Variants in LAMB1 observed in about 807,000 individuals in gnomAD.
LAMB1 encodes laminin subunit beta-1.
LAMB1 carries 121 observed loss-of-function variants against 222.3 expected under a neutral mutation model. The observed-to-expected ratio is 0.54, with a 90% CI of 0.47 to 0.63. The LOEUF is 0.63. LAMB1 is among the 30% of genes least tolerant of loss of function. The pLI is 0.00. For synonymous variants in LAMB1, 794 were observed against 807.2 expected, an observed-to-expected ratio of 0.98 and a Z score of 0.28; for missense variants, 2,172 against 2,240.8, an observed-to-expected ratio of 0.97 and a Z score of 0.62.
At chr7:107,960,219 C>T (rs1384234035) in intron 18 of LAMB1, among the ~76,000 whole-genome samples, 1 of 152,168 alleles carries the variant, frequency 6.6e-6, no homozygotes, top group African/African-American at 2.4e-5. Flanking sequence ...GGACTTTTCC[C>T]CTGGTCACCT....
intron 9 of LAMB1, among the ~76,000 whole-genome samples, 155 bp downstream of exon 9, chr7:107,977,892 G>A (rs2150440939): frequency 6.6e-6 from 1 of 152,346 alleles, no homozygotes; most frequent in South Asian, 2.1e-4. Flanking sequence ...ACTGAATGCA[G>A]ATTGTTGGTT....
chr7:107,962,074 C>G (rs768280995), intron 15 of LAMB1, among the ~76,000 whole-genome samples: 3 of 152,200 alleles, frequency 2.0e-5, no homozygotes, highest in Non-Finnish European at 4.4e-5. Flanking sequence ...TCAATAAAAA[C>G]AAAACCCTCT....
chr7:107,973,023 C>CA lies in LAMB1; in HGVS notation c.1530dup (p.Asp511Ter). ...TTTAAGGCTCCCCCAAGGTCACAGT[C>CA]ACATGGTCGACATCCATCCAAATCA... On this transcript the variant is annotated frameshift_variant, in exon 13 of 34. Transcript: ENST00000222399. LOFTEE classifies it high-confidence loss of function. 1 of 1,614,032 alleles carries CA rather than the reference C, an allele frequency of 6.2e-7. No individual in the cohort carries two copies. The highest frequency in any genetic ancestry group is 1.1e-5 in the South Asian group (1 of 91,074).
rs555211305 is a variant in LAMB1, at chr7:107,979,010, C to A, written c.880-843G>T. ...CCCACCTTGGTGGGAATGCAGTTAG[C>A]AGAAGACTAAAGTCCTGTTATTACC... On this transcript the variant is annotated intron_variant, in intron 8 of 33. Transcript: ENST00000222399. Among the ~76,000 whole-genome samples, 45 of 152,294 alleles carry A rather than the reference C, an allele frequency of 3.0e-4. No homozygotes were observed. In the South Asian group the frequency reaches 9.3e-3, roughly 32 times the overall value.
intron 26 of LAMB1, 54 bp downstream of exon 26, chr7:107,937,039 T>A: frequency 6.9e-7 from 1 of 1,454,224 alleles, no homozygotes; most frequent in Middle Eastern, 1.8e-4. Flanking sequence ...ATTAAAACGT[T>A]AGACATATCG....
intron 5 of LAMB1, among the ~76,000 whole-genome samples, chr7:107,990,459 GA>G (rs890421185): frequency 2.0e-5 from 3 of 152,024 alleles, no homozygotes; most frequent in African/African-American, 4.8e-5. Flanking sequence ...GAACTTGGGG[GA>G]AAAAAATCAA....
intron 24 of LAMB1, among the ~76,000 whole-genome samples, chr7:107,945,141 G>A (rs1357911303): frequency 6.6e-6 from 1 of 152,210 alleles, no homozygotes; most frequent in Non-Finnish European, 1.5e-5. Context: ...ACTTTCATCT[G>A]TAAACACACT....
intron 20 of LAMB1, among the ~76,000 whole-genome samples, chr7:107,956,872 T>C (rs1185506232): frequency 6.6e-6 from 1 of 152,180 alleles, no homozygotes; most frequent in Non-Finnish European, 1.5e-5. Context: ...TCTTTAAAGA[T>C]AACAAATACA....
At chr7:108,002,458 C>T in intron 2 of LAMB1, 2 of 1,282,076 alleles carry the variant, frequency 1.6e-6, no homozygotes, top group African/African-American at 3.0e-5. Context: ...AGAATGAAGC[C>T]TCCGCTCAGC....
intron 13 of LAMB1, 148 bp from the exon 14 acceptor site, chr7:107,964,835 A>G: frequency 1.1e-6 from 1 of 935,038 alleles, no homozygotes; most frequent in Non-Finnish European, 1.6e-6. Flanking sequence ...ATGTGGAAAA[A>G]AGTAGTGCCT....
chr7:108,000,473 T>TA (rs1376136826), intron 3 of LAMB1, among the ~76,000 whole-genome samples: 1 of 152,240 alleles, frequency 6.6e-6, no homozygotes, highest in Non-Finnish European at 1.5e-5. Flanking sequence ...TCTGAGCAAT[T>TA]AGCTTGGAAC....
At chr7:107,950,632 T>G (rs933097132) in intron 24 of LAMB1, among the ~76,000 whole-genome samples, 1 of 152,208 alleles carries the variant, frequency 6.6e-6, no homozygotes, top group African/African-American at 2.4e-5. Context: ...CCCCTGACCT[T>G]GGAGCCCTTT....
At chr7:107,927,266 T>G (rs2032587741) in intron 31 of LAMB1, among the ~76,000 whole-genome samples, 1 of 152,234 alleles carries the variant, frequency 6.6e-6, no homozygotes, top group Non-Finnish European at 1.5e-5. Context: ...GTGAATTGTT[T>G]CTGATAAGCT....
intron 19 of LAMB1, 73 bp from the exon 20 acceptor site, chr7:107,959,553 C>T: frequency 6.2e-7 from 1 of 1,606,210 alleles, no homozygotes; most frequent in Non-Finnish European, 8.5e-7. Flanking sequence ...TTATAAGCAC[C>T]CTGTCCCCAA....
intron 5 of LAMB1, among the ~76,000 whole-genome samples, chr7:107,987,429 G>A (rs562100794): frequency 1.3e-5 from 2 of 152,158 alleles, no homozygotes; most frequent in East Asian, 1.9e-4. Flanking sequence ...TGGTTAAAAT[G>A]GTAAACTTTC....
In LAMB1 at chr7:107,981,347, C is replaced by T. The variant is rs574835041; in HGVS notation, c.677-536G>A. Among the ~76,000 whole-genome samples, 5 of 151,938 alleles carry T rather than the reference C, an allele frequency of 3.3e-5. No individual in the cohort carries two copies. The South Asian group carries it at 6.2e-4, about 19-fold the overall frequency. On this transcript the variant is annotated intron_variant, in intron 7 of 33. Coordinates refer to ENST00000222399, the MANE Select transcript of LAMB1 (RefSeq NM_002291.3). Reference sequence around the variant, plus strand: ...CCTGTAATCCCAGCTACTAGGGAGACTGAGGCAGGAGAATCGCTTGAACCT... The same window carrying T: ...CCTGTAATCCCAGCTACTAGGGAGATTGAGGCAGGAGAATCGCTTGAACCT...
intron 15 of LAMB1, 54 bp downstream of exon 15, chr7:107,962,851 T>A: frequency 6.7e-7 from 1 of 1,487,058 alleles, no homozygotes; most frequent in South Asian, 1.2e-5. Context: ...AAGTACTATT[T>A]TTCTACTGAT....
At chr7:107,931,307 G>C (rs757351036) in intron 29 of LAMB1, 49 bp downstream of exon 29, 2 of 1,505,586 alleles carry the variant, frequency 1.3e-6, no homozygotes, top group Admixed American at 1.7e-5. Context: ...TGTAAACAGA[G>C]AATCACACAG....
Position 107,932,356 on chromosome 7 carries a change from C to T in LAMB1, c.4210G>A (p.Ala1404Thr). ...CCACATTCAGTCTCGGAACAGGAGG[C>T]CCCTGGGGGTGTTCCACAGGTCTGC... Reference protein sequence around the residue: ...AEMTCGTPPGASCSETECGGP... With the variant: ...AEMTCGTPPGTSCSETECGGP... The change falls in exon 28 of 34, where the codon GCC (alanine) becomes ACC (threonine). Residue 1404 changes from alanine (A) to threonine (T), a missense_variant. Ala to Thr is a moderately conservative substitution (Grantham distance 58). Transcript: ENST00000222399. 6.2e-7 allele frequency: 1 copy of T among 1,614,188 alleles called. No homozygotes were observed. The highest frequency in any genetic ancestry group is 8.5e-7 in the Non-Finnish European group (1 of 1,180,028).
Sources: gnomAD v4.1 joint callset for allele counts (sites outside exome capture counted in the v4.1 genomes callset) on GRCh38, gnomAD v4.1.1 for gene constraint, MANE v1.5 for transcripts, NCBI Gene and HGNC (gene_info 2026-07-23, HGNC 2026-07-21) for gene names.